The following NPY2R variants were observed in gnomAD, a reference collection of about 807,000 sequenced individuals.
NPY2R encodes neuropeptide Y receptor type 2.
In NPY2R, 17 loss-of-function variants were observed where a neutral mutation model predicts 22.3. That is an observed-to-expected ratio of 0.76 (90% CI 0.52 to 1.14). The LOEUF (loss-of-function observed/expected upper bound fraction) is 1.14. NPY2R is among the 50% of genes most tolerant of loss of function. NPY2R has a pLI of 0.00. For missense variants in NPY2R, 424 were observed against 467.9 expected (o/e 0.91, Z 0.87); for synonymous variants, 209 against 183.4 (o/e 1.14, Z -1.13).
the NPY2R span, among the ~76,000 whole-genome samples, chr4:155,180,412 G>T: frequency 1.2e-4 from 19 of 152,118 alleles, no homozygotes; most frequent in African/African-American, 4.3e-4. Flanking sequence ...TTACACAGAT[G>T]ATTTTCTACA....
the NPY2R span, among the ~76,000 whole-genome samples, chr4:155,174,484 A>ATTTTT: frequency 1.1e-3 from 113 of 105,996 alleles, 1 homozygote; most frequent in African/African-American, 4.4e-3. Flanking sequence ...ATATATATAT[A>ATTTTT]TTTTTTTTTT....
chr4:155,203,477 T>C, the NPY2R span, among the ~76,000 whole-genome samples: 1 of 152,178 alleles, frequency 6.6e-6, no homozygotes, highest in Non-Finnish European at 1.5e-5. Flanking sequence ...AAGTTTTTTT[T>C]AAAAAGACTA....
At chr4:155,207,065 T>C (rs1729296972), upstream of NPY2R, 1 of 152,348 alleles carries the variant, frequency 6.6e-6, no homozygotes, top group South Asian at 2.1e-4. Context: ...TCTGTTTACC[T>C]TTGTTTCTAG....
chr4:155,187,731 T>C, the NPY2R span, among the ~76,000 whole-genome samples: 1 of 152,158 alleles, frequency 6.6e-6, no homozygotes, highest in Non-Finnish European at 1.5e-5. Context: ...CTTCATCTTA[T>C]TGATGAAAGA....
chr4:155,179,118 AT>A, the NPY2R span, among the ~76,000 whole-genome samples: 1 of 151,888 alleles, frequency 6.6e-6, no homozygotes, highest in Non-Finnish European at 1.5e-5. Flanking sequence ...CATATGTGCC[AT>A]TTTTTCTCTT....
At chr4:155,179,559 G>A in the NPY2R span, among the ~76,000 whole-genome samples, 2 of 152,186 alleles carry the variant, frequency 1.3e-5, no homozygotes, top group Non-Finnish European at 2.9e-5. Context: ...TATACAGTGA[G>A]TCTTTTCAAC....
chr4:155,184,143 A>T, the NPY2R span, among the ~76,000 whole-genome samples: 1 of 152,086 alleles, frequency 6.6e-6, no homozygotes, highest in Admixed American at 6.6e-5. Context: ...TACTCTTTCT[A>T]TAGGTCTTTT....
chr4:155,211,102 C>T (rs1391453629), intron 1 of NPY2R, among the ~76,000 whole-genome samples: 3 of 152,174 alleles, frequency 2.0e-5, no homozygotes, highest in African/African-American at 7.2e-5. Context: ...CAAAATTATA[C>T]TTTCCATTTG....
At chr4:155,211,319 A>G (rs1408242483) in intron 1 of NPY2R, among the ~76,000 whole-genome samples, 1 of 152,178 alleles carries the variant, frequency 6.6e-6, no homozygotes, top group Non-Finnish European at 1.5e-5. Context: ...ATGCGGCATT[A>G]GAAGTGAGCA....
At position 155,210,374 on chromosome 4, in the gene NPY2R, AG is replaced by A. The variant is rs879907111; in HGVS notation, c.-49+1306del. ...CTTCAAAATTTATAAAACAAGACTGAGAAGAAAAAGCAAAGCAAATCAAAAA... is the reference window on the plus strand; with the variant it reads ...CTTCAAAATTTATAAAACAAGACTGAAAGAAAAAGCAAAGCAAATCAAAAA... On this transcript the variant is annotated intron_variant, in intron 1 of 1. Coordinates refer to ENST00000329476, the MANE Select transcript of NPY2R (RefSeq NM_000910.4). Among the ~76,000 whole-genome samples, 104 of 152,340 alleles carry A rather than the reference AG, an allele frequency of 6.8e-4. 1 individual carries two copies. The highest frequency in any genetic ancestry group is 2.3e-3 in the African/African-American group (96 of 41,586).
the NPY2R span, among the ~76,000 whole-genome samples, chr4:155,175,373 G>A: frequency 6.6e-6 from 1 of 152,104 alleles, no homozygotes; most frequent in African/African-American, 2.4e-5. Context: ...CGACTTACCT[G>A]AACATCAGTT....
the NPY2R span, among the ~76,000 whole-genome samples, chr4:155,187,870 C>A: frequency 5.3e-5 from 8 of 152,082 alleles, no homozygotes; most frequent in African/African-American, 1.4e-4. Context: ...AAGCCACAAC[C>A]TTTATCTTTT....
chr4:155,177,494 T>TG, the NPY2R span, among the ~76,000 whole-genome samples: 16,194 of 152,074 alleles, frequency 0.11, 889 homozygotes, highest in East Asian at 0.16. Context: ...CCCCACCAGT[T>TG]CAACTTAAAT....
the NPY2R span, among the ~76,000 whole-genome samples, chr4:155,175,053 C>G: frequency 6.6e-6 from 1 of 152,016 alleles, no homozygotes; most frequent in African/African-American, 2.4e-5. Context: ...ATTTGTGAAG[C>G]CTTAGGACCC....
chr4:155,203,085 A>G, the NPY2R span, among the ~76,000 whole-genome samples: 1 of 152,144 alleles, frequency 6.6e-6, no homozygotes, highest in Non-Finnish European at 1.5e-5. Context: ...TAAAAAGTAA[A>G]AATCTCAGCA....
upstream of NPY2R, chr4:155,207,654 C>T (rs968624167): frequency 6.6e-6 from 1 of 152,280 alleles, no homozygotes; most frequent in African/African-American, 2.4e-5. Flanking sequence ...TCTCCACTAT[C>T]CTGTTTTGCT....
chr4:155,210,307 A>G (rs1729377538), intron 1 of NPY2R, among the ~76,000 whole-genome samples: 1 of 148,570 alleles, frequency 6.7e-6, no homozygotes, highest in African/African-American at 2.5e-5. Context: ...AAGAGCTTGT[A>G]GATCAACAAC....
At chr4:155,179,569 C>T in the NPY2R span, among the ~76,000 whole-genome samples, 1 of 152,156 alleles carries the variant, frequency 6.6e-6, no homozygotes, top group Non-Finnish European at 1.5e-5. Context: ...GTCTTTTCAA[C>T]TCTGGTTAGT....
chr4:155,182,016 G>A, the NPY2R span, among the ~76,000 whole-genome samples: 1 of 152,278 alleles, frequency 6.6e-6, no homozygotes, highest in Non-Finnish European at 1.5e-5. Flanking sequence ...CAAAGTGAGT[G>A]TGGTTTCCCC....
Sources: allele counts gnomAD v4.1 joint callset (sites outside exome capture counted in the v4.1 genomes callset), GRCh38; gene constraint gnomAD v4.1.1; transcripts MANE v1.5; gene names NCBI Gene and HGNC (gene_info 2026-07-23, HGNC 2026-07-21).